The following EHMT1 variants were observed in gnomAD, a reference collection of about 807,000 sequenced individuals.
EHMT1 encodes histone-lysine N-methyltransferase EHMT1.
A neutral mutation model predicts 147.2 loss-of-function variants in EHMT1; 15 were observed. That is an observed-to-expected ratio of 0.10 (90% confidence interval 0.07 to 0.16). The LOEUF is 0.16. Ranked by LOEUF, EHMT1 falls within the 10% of genes least tolerant of loss-of-function variation. The pLI, the probability that EHMT1 is intolerant of heterozygous loss-of-function variation, is 1.00. For synonymous variants in EHMT1, 795 were observed against 709.6 expected, an observed-to-expected ratio of 1.12 and a Z score of -1.91; for missense variants, 1,587 against 1,772.4, an observed-to-expected ratio of 0.90 and a Z score of 1.88.
intron 1 of EHMT1, among the ~76,000 whole-genome samples, chr9:137,690,683 C>A (rs898519299): frequency 2.0e-5 from 3 of 152,178 alleles, no homozygotes; most frequent in Non-Finnish European, 4.4e-5. Context: ...GATTCTCCTG[C>A]CTTAGCCTCC....
In EHMT1 at chr9:137,784,179, G is replaced by T. The variant is rs544322837; in HGVS notation, c.2382+1782G>T. 5 of 1,551,146 alleles carry T rather than the reference G, an allele frequency of 3.2e-6. No homozygotes were observed. The Admixed American group carries it at 5.9e-5, about 18-fold the overall frequency. The stretch of plus-strand genomic sequence containing the variant: ...ATGGTGAGGACCTCGTGCTGTTCCC[G>T]AACACAGCCAGGAACCACGCCAAGA... On this transcript the variant is annotated intron_variant, in intron 15 of 26. Coordinates refer to ENST00000460843, the MANE Select transcript of EHMT1 (RefSeq NM_024757.5).
At chr9:137,769,943 T>G (rs936027755) in intron 10 of EHMT1, among the ~76,000 whole-genome samples, 1 of 152,080 alleles carries the variant, frequency 6.6e-6, no homozygotes, top group Non-Finnish European at 1.5e-5. Flanking sequence ...CTCAAGCAAT[T>G]CTCCTGCCTT....
chr9:137,732,128 G>C lies in EHMT1; in HGVS notation c.823+3599G>C, dbSNP rs569603962. On this transcript the variant is annotated intron_variant, in intron 4 of 26. Coordinates refer to ENST00000460843, the MANE Select transcript of EHMT1 (RefSeq NM_024757.5). This position sits in a 1 kb window ranked among gnomAD's most constrained non-coding sequence, Gnocchi z 4.6. ...GCCCTGGCCTGCAGCTCCCAGGCTG[G>C]CCTGGCTCCACTGCTGCTTGCCATC... Among the ~76,000 whole-genome samples, 109 of 152,336 alleles carry C rather than the reference G, an allele frequency of 7.2e-4. No homozygotes were observed. The highest frequency in any genetic ancestry group is 1.9e-3 in the Admixed American group (29 of 15,308).
chr9:137,820,242 A>G (rs558011591), intron 25 of EHMT1: 1 of 152,370 alleles, frequency 6.6e-6, no homozygotes, highest in Non-Finnish European at 1.5e-5. Flanking sequence ...GTGTACAGGC[A>G]TCTCCCTGTG....
chr9:137,632,549 G>T (rs933092154), intron 1 of EHMT1, among the ~76,000 whole-genome samples: 1 of 152,148 alleles, frequency 6.6e-6, no homozygotes, highest in African/African-American at 2.4e-5. Context: ...GATTACAGAT[G>T]CGTGCCACCA....
Position 137,834,824 on chromosome 9 carries a change from C to G in EHMT1, c.3768C>G (p.Cys1256Trp). Residue 1256 changes from cysteine to tryptophan, a missense_variant, in exon 27 of 27, where the codon TGC (cysteine) becomes TGG (tryptophan). By Grantham distance (215) the Cys-to-Trp change is radical. This residue lies in a region of EHMT1 where 141 missense variants were observed against 150.8 expected (regional missense o/e 0.94). Coordinates refer to ENST00000460843, the MANE Select transcript of EHMT1 (RefSeq NM_024757.5). ...ACATCAAAGGCAAGCTCTTCAGCTG[C>G]CGCTGCGGCTCCCCCAAGTGCCGGC... ...FWDIKGKLFS[C>W]RCGSPKCRHS... The G allele has an allele frequency of 6.2e-7, 1 of 1,612,744 alleles. No homozygotes were observed.
chr9:137,721,162 A>G (rs1165591864), intron 3 of EHMT1, among the ~76,000 whole-genome samples: 20 of 131,568 alleles, frequency 1.5e-4, no homozygotes, highest in African/African-American at 5.8e-4. Context: ...CCCCTCCCAG[A>G]CTTCTCACAC....
At chr9:137,648,901 G>T (rs1318460844) in intron 1 of EHMT1, among the ~76,000 whole-genome samples, 1 of 152,124 alleles carries the variant, frequency 6.6e-6, no homozygotes, top group Non-Finnish European at 1.5e-5. Flanking sequence ...CCACCACAGT[G>T]CCCTGCTTGG....
At chr9:137,760,388 C>T (rs912074639) in intron 9 of EHMT1, among the ~76,000 whole-genome samples, 1 of 152,166 alleles carries the variant, frequency 6.6e-6, no homozygotes, top group Non-Finnish European at 1.5e-5. Context: ...TGTGTGTTTT[C>T]TCCTTTTAAA....
chr9:137,670,180 C>T (rs917772154), intron 1 of EHMT1, among the ~76,000 whole-genome samples: 1 of 152,098 alleles, frequency 6.6e-6, no homozygotes, highest in Non-Finnish European at 1.5e-5. Flanking sequence ...TTTTCTTGAT[C>T]CTGCTTCCCA....
At position 137,754,772 on chromosome 9, in the gene EHMT1, C is replaced by T. The variant is rs150861232; in HGVS notation, c.1369+481C>T. On this transcript the variant is annotated intron_variant, in intron 8 of 26. Transcript: ENST00000460843. ...GCTCAAGCGATCTGCCCGTTTTGGC[C>T]TCCCAAAGTGCTGGGATTACAGGTG... is the stretch of plus-strand genomic sequence containing the variant. Among the ~76,000 whole-genome samples, 764 of 152,308 alleles carry T rather than the reference C, an allele frequency of 5.0e-3. 5 individuals are homozygous for T. The highest frequency in any genetic ancestry group is 8.4e-3 in the Admixed American group (129 of 15,302).
intron 2 of EHMT1, chr9:137,715,792 TGTTA>T: frequency 2.0e-6 from 2 of 985,430 alleles, no homozygotes; most frequent in Non-Finnish European, 2.4e-6. Flanking sequence ...CCATTTTCTC[TGTTA>T]GTTATTGTGA....
intron 1 of EHMT1, among the ~76,000 whole-genome samples, chr9:137,695,399 C>T (rs751279569): frequency 2.6e-5 from 4 of 152,066 alleles, no homozygotes; most frequent in Admixed American, 1.3e-4. Context: ...CCCCTGCTGG[C>T]GAGGGGAAGA....
At chr9:137,620,702 C>T (rs150948353) in intron 1 of EHMT1, among the ~76,000 whole-genome samples, 1 of 152,260 alleles carries the variant, frequency 6.6e-6, no homozygotes, top group African/African-American at 2.4e-5. Flanking sequence ...CTGTTGTTTC[C>T]TGTTTAGCTG....
rs754986694 is a variant in EHMT1 at position 137,817,462 on chromosome 9, C to T, written c.3398C>T (p.Thr1133Met). ...AGGGCAAGGCTGCAGCTCTACCGGA[C>T]GCGGGACATGGGCTGGGGCGTGCGG... ...GLRARLQLYR[T>M]RDMGWGVRSL... The change falls in exon 24 of 27, where the codon ACG becomes ATG. Residue 1133 changes from threonine (T) to methionine (M), a missense_variant. Physicochemically the swap from Thr to Met is moderately conservative, Grantham distance 81 (BLOSUM62 -1). Coordinates refer to ENST00000460843, the MANE Select transcript of EHMT1 (RefSeq NM_024757.5). The T allele has an allele frequency of 2.0e-5, 32 of 1,614,198 alleles. No homozygotes were observed. Among genetic ancestry groups the T allele is most frequent in the East Asian group, 8.9e-5 (4 of 44,886 alleles).
chr9:137,832,589 C>G (rs1403091545), intron 25 of EHMT1: 1 of 147,860 alleles, frequency 6.8e-6, no homozygotes, highest in African/African-American at 2.5e-5. Context: ...ATTGGCTGGG[C>G]TCTCTCCGCA....
intron 1 of EHMT1, among the ~76,000 whole-genome samples, chr9:137,687,486 GGAGTTTAGGTA>G (rs989577964): frequency 4.6e-5 from 7 of 152,126 alleles, no homozygotes; most frequent in African/African-American, 1.7e-4. Context: ...TTTAGGTGGA[GGAGTTTAGGTA>G]GAGTTCAGGT....
intron 1 of EHMT1, among the ~76,000 whole-genome samples, chr9:137,689,326 T>C (rs1487440679): frequency 6.6e-6 from 1 of 152,226 alleles, no homozygotes; most frequent in African/African-American, 2.4e-5. Flanking sequence ...ATAATTGAGC[T>C]GTGTGCTATT....
At chr9:137,669,653 C>T (rs1940297647) in intron 1 of EHMT1, among the ~76,000 whole-genome samples, 1 of 151,742 alleles carries the variant, frequency 6.6e-6, no homozygotes, top group Admixed American at 6.6e-5. Flanking sequence ...TTGCTCTCTT[C>T]GGAGCATTCA....
Sources: gnomAD v4.1 joint callset for allele counts (sites outside exome capture counted in the v4.1 genomes callset) on GRCh38, gnomAD v4.1.1 for gene constraint, gnomAD v4.1.1 regional missense constraint, Gnocchi (gnomAD v3.1) non-coding constraint, MANE v1.5 for transcripts, NCBI Gene and HGNC (gene_info 2026-07-23, HGNC 2026-07-21) for gene names.